Variants in IFT140 observed in about 807,000 individuals in gnomAD.
IFT140 encodes intraflagellar transport 140.
In IFT140, 133 loss-of-function variants were observed where a neutral mutation model predicts 164.6. The observed-to-expected ratio is 0.81, with a 90% CI of 0.70 to 0.93. IFT140 has a LOEUF of 0.93. Among genes scored for constraint, IFT140 ranks in the 40% least tolerant of loss-of-function variants. The pLI is 0.00. For synonymous variants in IFT140, 860 were observed against 817.3 expected, an observed-to-expected ratio of 1.05 and a Z score of -0.89; for missense variants, 2,045 against 1,972.3, an observed-to-expected ratio of 1.04 and a Z score of -0.70.
chr16:1,608,449 C>T (rs1275486899), intron 2 of IFT140, among the ~76,000 whole-genome samples: 1 of 151,410 alleles, frequency 6.6e-6, no homozygotes, highest in East Asian at 2.0e-4. Flanking sequence ...GGCAAAATGG[C>T]GAACGCCACC....
intron 19 of IFT140, chr16:1,534,053 C>T (rs919436002): frequency 1.8e-6 from 1 of 562,596 alleles, no homozygotes. Context: ...CCGAGGCGAG[C>T]AGCTTCAGCA....
intron 4 of IFT140, among the ~76,000 whole-genome samples, chr16:1,598,827 G>A (rs373105390): frequency 0.013 from 2,025 of 152,024 alleles, 33 homozygotes; most frequent in African/African-American, 0.044. Context: ...GCCTCTGCCC[G>A]GCCGCCACCC....
intron 19 of IFT140, chr16:1,541,660 C>T (rs1023229656): frequency 2.8e-5 from 9 of 324,622 alleles, no homozygotes; most frequent in Non-Finnish European, 3.5e-5. Flanking sequence ...GAGTAGGGCC[C>T]GTCCCTGCAG....
At chr16:1,578,762 A>G (rs1295457890) in intron 13 of IFT140, among the ~76,000 whole-genome samples, 2 of 152,182 alleles carry the variant, frequency 1.3e-5, no homozygotes, top group African/African-American at 4.8e-5. Flanking sequence ...CCCAGGCTGG[A>G]GGACAGTGGT....
At chr16:1,513,878 T>A (rs1353589575) in intron 30 of IFT140, among the ~76,000 whole-genome samples, 3 of 141,428 alleles carry the variant, frequency 2.1e-5, no homozygotes, top group Admixed American at 6.9e-5. Context: ...TTTCACCGTG[T>A]TAGCCAAGAT....
chr16:1,610,871 G>A lies in IFT140; in HGVS notation c.-221-18C>T, dbSNP rs912531729. 3 of 153,106 alleles carry A rather than the reference G, an allele frequency of 2.0e-5. No homozygotes were observed. The highest frequency in any genetic ancestry group is 1.3e-4 in the Admixed American group (2 of 15,294). The allele number at this position is 153,106 out of a possible 1,614,324, so 9.5% of individuals were successfully genotyped here. On this transcript the variant is annotated intron_variant, in intron 1 of 30. Coordinates refer to ENST00000426508, the MANE Select transcript of IFT140 (RefSeq NM_014714.4). The stretch of plus-strand genomic sequence containing the variant: ...ATTCCGCTCTGCAAGAGAGAAGCGG[G>A]ACGAGCTTTTTCTAGGAGAGACGGC...
rs1042897508 is a variant in IFT140, at chr16:1,595,241, C to T, written c.370-2653G>A. On this transcript the variant is annotated intron_variant, in intron 4 of 30. Coordinates refer to ENST00000426508, the MANE Select transcript of IFT140 (RefSeq NM_014714.4). ...CGGAGCTTGCAGTGAGCCGAGATGG[C>T]GCCACTGCACTCCAGCCTGGGTGAC... 2.6e-5 allele frequency among the ~76,000 whole-genome samples: 4 copies of T among 151,916 alleles called. No individual in the cohort carries two copies. In the East Asian group the frequency reaches 5.8e-4, roughly 22 times the overall value.
intron 19 of IFT140, chr16:1,541,953 G>A: frequency 6.2e-7 from 1 of 1,608,808 alleles, no homozygotes; most frequent in Non-Finnish European, 8.5e-7. Context: ...CTGCAACCTG[G>A]TGGCCACGGC....
intron 19 of IFT140, chr16:1,540,863 C>G: frequency 1.0e-6 from 1 of 985,446 alleles, no homozygotes. Flanking sequence ...AGGCTAGGGA[C>G]TCTGTGGGGC....
At position 1,523,379 on chromosome 16, in the gene IFT140, C is replaced by G. The variant is rs1190745801; in HGVS notation, c.3453+139G>C. The G allele has an allele frequency of 2.0e-5, 17 of 838,434 alleles. No individual in the cohort carries two copies. The East Asian group carries it at 4.5e-4, about 22-fold the overall frequency. The allele number at this position is 838,434 out of a possible 1,614,324, so 51.9% of individuals were successfully genotyped here. The stretch of plus-strand genomic sequence containing the variant: ...CTCCTGGGTGTGCCGTATGTGAAAC[C>G]TAGGGCAGGGGGCACCCACCGCAGC... On this transcript the variant is annotated intron_variant, in intron 26 of 30. Transcript: ENST00000426508.
Position 1,543,254 on chromosome 16 carries a change from G to C in IFT140, c.2399+14681C>G, listed in dbSNP as rs540159643. On this transcript the variant is annotated intron_variant, in intron 19 of 30. Coordinates refer to ENST00000426508, the MANE Select transcript of IFT140 (RefSeq NM_014714.4). ...AGGTTGCCCTGCAGTTCCCACAGAG[G>C]AAGTGGCAGGAAGTCCAGAGTGAAT... Among the ~76,000 whole-genome samples the C allele has an allele frequency of 2.6e-5, 4 of 152,390 alleles. No homozygotes were observed. In the South Asian group the frequency reaches 8.3e-4, roughly 32 times the overall value.
intron 6 of IFT140, 132 bp downstream of exon 6, chr16:1,592,044 G>A: frequency 6.0e-6 from 6 of 992,358 alleles, no homozygotes; most frequent in Non-Finnish European, 9.0e-6. Flanking sequence ...CCTGGCACAC[G>A]TCATCTTTCT....
chr16:1,584,163 C>T, intron 11 of IFT140, 54 bp downstream of exon 11: 1 of 1,525,752 alleles, frequency 6.6e-7, no homozygotes, highest in Non-Finnish European at 8.9e-7. Flanking sequence ...AACTACCTGG[C>T]CATGGGGCAG....
chr16:1,510,823 T>G lies in IFT140; in HGVS notation c.*121A>C. 1.1e-6 allele frequency: 1 copy of G among 927,698 alleles called. No individual in the cohort carries two copies. Among genetic ancestry groups the G allele is most frequent in the Non-Finnish European group, 1.7e-6 (1 of 595,670 alleles). 57.5% of individuals were successfully genotyped at this position (927,698 alleles called of 1,614,324 possible). On this transcript the variant is annotated 3_prime_UTR_variant, in exon 31 of 31. Coordinates refer to ENST00000426508, the MANE Select transcript of IFT140 (RefSeq NM_014714.4). The stretch of plus-strand genomic sequence containing the variant: ...GCCGCTGCGTTCTCGCCCAGCTCTG[T>G]CGCGTATTCCAACACAGACATGTTT...
At chr16:1,523,441 C>A in intron 26 of IFT140, 77 bp downstream of exon 26, 1 of 1,486,300 alleles carries the variant, frequency 6.7e-7, no homozygotes, top group Non-Finnish European at 9.1e-7. Context: ...AGCAGCCATT[C>A]CCACAGCCTC....
chr16:1,571,367 T>G, intron 14 of IFT140, 40 bp downstream of exon 14: 2 of 1,600,808 alleles, frequency 1.2e-6, no homozygotes, highest in Non-Finnish European at 1.7e-6. Flanking sequence ...CCTGACTGAC[T>G]AAAAAAATGT....
intron 7 of IFT140, among the ~76,000 whole-genome samples, chr16:1,588,728 G>A (rs148446023): frequency 2.0e-5 from 3 of 152,174 alleles, no homozygotes; most frequent in African/African-American, 7.2e-5. Flanking sequence ...GTGAGGAACT[G>A]AGCAGGGTAT....
rs767997025 is a variant in IFT140, at chr16:1,520,300, G to A, written c.3704C>T (p.Thr1235Met). The A allele has an allele frequency of 1.3e-5, 21 of 1,614,094 alleles. No homozygotes were observed. The highest frequency in any genetic ancestry group is 6.7e-5 in the Admixed American group (4 of 60,010). The change falls in exon 28 of 31, where the codon ACG becomes ATG. Residue 1235 changes from threonine (T) to methionine (M), a missense_variant. Transcript: ENST00000426508. ...CTGCCTGGACACGCTCGCGAAGAAC[G>A]TGATTTTCTCCGTGTCTCCGGATTT... ...LLKSGDTEKI[T>M]FFASVSRQKE...
At chr16:1,597,780 G>T (rs2035538325) in intron 4 of IFT140, among the ~76,000 whole-genome samples, 1 of 152,118 alleles carries the variant, frequency 6.6e-6, no homozygotes, top group South Asian at 2.1e-4. Context: ...TATTTTGCTA[G>T]CTGTTTCTAT....
Sources: allele counts gnomAD v4.1 joint callset (sites outside exome capture counted in the v4.1 genomes callset), GRCh38; gene constraint gnomAD v4.1.1; transcripts MANE v1.5; gene names NCBI Gene and HGNC (gene_info 2026-07-23, HGNC 2026-07-21).